Variants in NAV3 observed in about 807,000 individuals in gnomAD.
NAV3 encodes neuron navigator 3, also known as pore membrane and/or filament interacting like protein 1.
In NAV3, 87 loss-of-function variants were observed where a neutral mutation model predicts 244.7. The ratio of observed to expected loss-of-function variants is 0.36; its 90% confidence interval spans 0.30 to 0.42. The LOEUF is 0.42. Among genes scored for constraint, NAV3 ranks in the 20% least tolerant of loss-of-function variants. The probability of loss-of-function intolerance (pLI) is 1.00; values close to 1 mark genes in which losing one functional copy is unlikely to be tolerated. For missense variants in NAV3, 2,663 were observed against 2,893.3 expected, an observed-to-expected ratio of 0.92 and a Z score of 1.83; for synonymous variants, 1,126 against 1,042.2, an observed-to-expected ratio of 1.08 and a Z score of -1.55.
chr12:77,613,452 A>G (rs1871011030), intron 2 of NAV3, among the ~76,000 whole-genome samples: 1 of 152,162 alleles, frequency 6.6e-6, no homozygotes, highest in African/African-American at 2.4e-5. Context: ...AGTGAAGGGT[A>G]AACAGCCTTT....
intron 2 of NAV3, among the ~76,000 whole-genome samples, chr12:77,638,183 A>G (rs113661889): frequency 5.9e-4 from 90 of 152,320 alleles, no homozygotes; most frequent in African/African-American, 2.1e-3. Flanking sequence ...ATTAAAAACT[A>G]GAATCTTTGA....
In NAV3 at chr12:78,172,460, G is replaced by C. The variant is rs185895744; in HGVS notation, c.4982-2846G>C. Reference sequence around the variant, plus strand: ...CCATAGAACTTTTAGTCTAGTGGGAGAGCAGAAGGTAAAGGAATGTATGTG... The same window carrying C: ...CCATAGAACTTTTAGTCTAGTGGGACAGCAGAAGGTAAAGGAATGTATGTG... On this transcript the variant is annotated intron_variant, in intron 24 of 39. Transcript: ENST00000397909. 1.5e-3 allele frequency among the ~76,000 whole-genome samples: 223 copies of C among 151,656 alleles called. 1 individual carries two copies. Among genetic ancestry groups the C allele is most frequent in the African/African-American group, 5.2e-3 (216 of 41,512 alleles).
intron 12 of NAV3, among the ~76,000 whole-genome samples, chr12:78,063,079 A>T (rs1285639123): frequency 6.6e-6 from 1 of 152,168 alleles, no homozygotes; most frequent in Non-Finnish European, 1.5e-5. Flanking sequence ...AATGTGATGG[A>T]CATTAGAGAA....
At chr12:77,922,236 T>A (rs1296013464) in intron 1 of NAV3, among the ~76,000 whole-genome samples, 1 of 152,100 alleles carries the variant, frequency 6.6e-6, no homozygotes, top group Non-Finnish European at 1.5e-5. Flanking sequence ...GTTTTGAAAT[T>A]TTTGAGCTGT....
intron 12 of NAV3, among the ~76,000 whole-genome samples, chr12:78,104,351 A>T (rs1954694072): frequency 6.6e-6 from 1 of 152,214 alleles, no homozygotes; most frequent in Non-Finnish European, 1.5e-5. Context: ...CATTTTCCTC[A>T]AATCAATTTT....
intron 2 of NAV3, among the ~76,000 whole-genome samples, chr12:77,809,345 T>C (rs1872166488): frequency 6.6e-6 from 1 of 152,148 alleles, no homozygotes; most frequent in South Asian, 2.1e-4. Context: ...GCAAAGACCA[T>C]GGGAAAAGCG....
intron 20 of NAV3, among the ~76,000 whole-genome samples, chr12:78,143,000 C>T (rs1270824498): frequency 6.6e-6 from 1 of 151,978 alleles, no homozygotes; most frequent in Admixed American, 6.6e-5. Context: ...CCGCCATGAT[C>T]AGGCCTTAGG....
intron 3 of NAV3, among the ~76,000 whole-genome samples, chr12:77,943,231 C>T (rs530895341): frequency 6.6e-6 from 1 of 152,066 alleles, no homozygotes; most frequent in Non-Finnish European, 1.5e-5. Flanking sequence ...CTGTTAACTG[C>T]AAAATATCAT....
At chr12:78,029,786 T>C (rs1051263262) in intron 9 of NAV3, among the ~76,000 whole-genome samples, 1 of 152,212 alleles carries the variant, frequency 6.6e-6, no homozygotes, top group Admixed American at 6.6e-5. Context: ...ACATTATTTT[T>C]TCACTGCATT....
chr12:77,737,353 A>G (rs1877379672), intron 2 of NAV3, among the ~76,000 whole-genome samples: 1 of 151,556 alleles, frequency 6.6e-6, no homozygotes, highest in South Asian at 2.1e-4. Context: ...AGGGTCCAGT[A>G]GGGAAAATTG....
At chr12:77,632,342 G>A (rs532807337) in intron 2 of NAV3, among the ~76,000 whole-genome samples, 101 of 152,300 alleles carry the variant, frequency 6.6e-4, no homozygotes, top group Non-Finnish European at 1.3e-3. Flanking sequence ...GGAAGAAAAA[G>A]AGGTTTAATG....
intron 22 of NAV3, among the ~76,000 whole-genome samples, chr12:78,154,689 C>T (rs1957230700): frequency 6.6e-6 from 1 of 151,804 alleles, no homozygotes; most frequent in African/African-American, 2.4e-5. Context: ...TACAATTTTA[C>T]TCTGACCTTA....
intron 2 of NAV3, among the ~76,000 whole-genome samples, chr12:77,595,424 G>A (rs772375): frequency 0.37 from 55,532 of 151,874 alleles, 10,760 homozygotes; most frequent in Middle Eastern, 0.47. Context: ...AGAGGGTAGA[G>A]AGTTGAAGTT....
At chr12:78,067,377 A>G (rs1419751398) in intron 12 of NAV3, among the ~76,000 whole-genome samples, 1 of 152,080 alleles carries the variant, frequency 6.6e-6, no homozygotes. Flanking sequence ...TCTTTACTCT[A>G]AGAGACCAAT....
intron 2 of NAV3, among the ~76,000 whole-genome samples, chr12:77,624,389 C>T (rs1871522055): frequency 6.6e-6 from 1 of 151,924 alleles, no homozygotes; most frequent in Non-Finnish European, 1.5e-5. Context: ...CTGTGGTAAC[C>T]CATAGAAGCA....
At chr12:78,034,296 C>A (rs890907745) in intron 9 of NAV3, among the ~76,000 whole-genome samples, 1 of 152,160 alleles carries the variant, frequency 6.6e-6, no homozygotes, top group South Asian at 2.1e-4. Flanking sequence ...GGGGGAAAAA[C>A]CATCCCCAGT....
intron 2 of NAV3, among the ~76,000 whole-genome samples, chr12:77,809,703 A>G (rs1397714829): frequency 6.6e-6 from 1 of 152,236 alleles, no homozygotes; most frequent in East Asian, 1.9e-4. Context: ...TTTCTCACTT[A>G]TGAAAATAAT....
At chr12:77,755,793 G>A (rs1297807258) in intron 2 of NAV3, among the ~76,000 whole-genome samples, 1 of 150,168 alleles carries the variant, frequency 6.7e-6, no homozygotes, top group Non-Finnish European at 1.5e-5. Context: ...GAGTGCAGTG[G>A]CGTGAACACA....
intron 2 of NAV3, among the ~76,000 whole-genome samples, chr12:77,802,351 G>A (rs1351162570): frequency 6.6e-6 from 1 of 152,160 alleles, no homozygotes; most frequent in Non-Finnish European, 1.5e-5. Flanking sequence ...TTCAACTATA[G>A]TTGATTCTAG....
Sources: gnomAD v4.1 joint callset for allele counts (sites outside exome capture counted in the v4.1 genomes callset) on GRCh38, gnomAD v4.1.1 for gene constraint, MANE v1.5 for transcripts, NCBI Gene and HGNC (gene_info 2026-07-23, HGNC 2026-07-21) for gene names.